Variants in ARHGEF1 observed in about 807,000 individuals in gnomAD.
The protein encoded by ARHGEF1 is 115 kDa guanine nucleotide exchange factor.
A neutral mutation model predicts 119.7 loss-of-function variants in ARHGEF1; 40 were observed. That is an observed-to-expected ratio of 0.33 (90% CI 0.26 to 0.44). The LOEUF (loss-of-function observed/expected upper bound fraction) is 0.44. Among genes scored for constraint, ARHGEF1 ranks in the 20% least tolerant of loss-of-function variants. The probability of loss-of-function intolerance (pLI) is 1.00; values close to 1 mark genes in which losing one functional copy is unlikely to be tolerated. For synonymous variants in ARHGEF1, 494 were observed against 521.0 expected (o/e 0.95, Z 0.71); for missense variants, 976 against 1,268.3 (o/e 0.77, Z 3.50).
chr19:41,925,130 A>G (rs1216935795), intron 1 of ARHGEF1, among the ~76,000 whole-genome samples: 1 of 152,146 alleles, frequency 6.6e-6, no homozygotes, highest in Non-Finnish European at 1.5e-5. Context: ...GATGTGAAGC[A>G]AAGAGAGATT....
In ARHGEF1 at chr19:41,894,637, C is replaced by T. The variant is rs1568815169; in HGVS notation, c.853C>T (p.Arg285Ter). 1.2e-6 allele frequency: 2 copies of T among 1,614,060 alleles called. No individual in the cohort carries two copies. Among genetic ancestry groups the T allele is most frequent in the East Asian group, 2.2e-5 (1 of 44,878 alleles). The change falls in exon 11 of 29, where the codon CGA (arginine) becomes TGA (stop). Residue 285 changes from arginine to a stop codon, truncating the protein, a stop_gained. Coordinates refer to ENST00000354532, the MANE Select transcript of ARHGEF1 (RefSeq NM_004706.4). LOFTEE classifies it high-confidence loss of function. ...NRGEPQVPDF[R>*]HLKAEVDAEK... ...CTCTCTCGTTTCAGTTCCAGATTTT[C>T]GACACCTCAAAGCAGAGGTTGATGG... is the stretch of plus-strand genomic sequence containing the variant.
At chr19:41,922,991 G>C (rs2074850932), upstream of ARHGEF1, 1 of 373,594 alleles carries the variant, frequency 2.7e-6, no homozygotes, top group Non-Finnish European at 5.3e-6. Flanking sequence ...CAGGTGAAGG[G>C]AATGTGAGGG....
In ARHGEF1 at chr19:41,917,865, C is replaced by T. The variant is rs1346732746; in HGVS notation, c.1866-5227C>T. On this transcript the variant is annotated intron_variant, in intron 18 of 20. Coordinates refer to the ARHGEF1 transcript ENST00000599589. This position sits in a 1 kb window ranked among gnomAD's most constrained non-coding sequence, Gnocchi z 4.8. ...CCCCACCCATCTGTTGCCACACAAA[C>T]GAGCCCCCAACACCCTGTCCCATCT... is the stretch of plus-strand genomic sequence containing the variant. 1.8e-4 allele frequency among the ~76,000 whole-genome samples: 27 copies of T among 152,126 alleles called. No individual in the cohort carries two copies. The highest frequency in any genetic ancestry group is 2.6e-4 in the Non-Finnish European group (18 of 67,984).
chr19:41,904,744 A>G lies in ARHGEF1; in HGVS notation c.2162-205A>G, dbSNP rs561376125. Among the ~76,000 whole-genome samples the G allele has an allele frequency of 8.5e-5, 13 of 152,248 alleles. No homozygotes were observed. The East Asian group carries it at 1.4e-3, about 16-fold the overall frequency. The stretch of plus-strand genomic sequence containing the variant: ...GGTTTCGTTAGGTAAGCCAGGGTAC[A>G]TGCCCGATTCCATAAGGAGGTGTGA... On this transcript the variant is annotated intron_variant, in intron 22 of 28. Coordinates refer to ENST00000354532, the MANE Select transcript of ARHGEF1 (RefSeq NM_004706.4). The surrounding 1 kb of genome is among the most constrained non-coding windows in gnomAD (Gnocchi z 8.4).
rs113612675 is a variant in ARHGEF1 at position 41,896,185 on chromosome 19, T to G, written c.1016-192T>G. On this transcript the variant is annotated intron_variant, in intron 12 of 28. Transcript: ENST00000354532. ...AGGGGCACCCACTTCTGTTGCATCT[T>G]CATGCTCCTGCCCCTAGTGGCCATG... is the stretch of plus-strand genomic sequence containing the variant. Among the ~76,000 whole-genome samples the G allele has an allele frequency of 7.2e-3, 1,096 of 152,244 alleles. 15 individuals carry two copies. The highest frequency in any genetic ancestry group is 0.026 in the African/African-American group (1,072 of 41,530).
chr19:41,894,791 G>T (rs1220948796), intron 11 of ARHGEF1, 130 bp downstream of exon 11: 5 of 1,105,276 alleles, frequency 4.5e-6, no homozygotes, highest in Non-Finnish European at 1.3e-6. Flanking sequence ...GGGGATGGGG[G>T]CCTGGACACC....
downstream of ARHGEF1, among the ~76,000 whole-genome samples, chr19:41,910,401 A>G (rs2074745084): frequency 6.6e-6 from 1 of 152,076 alleles, no homozygotes; most frequent in African/African-American, 2.4e-5. The surrounding 1 kb of genome is among the most constrained non-coding windows in gnomAD (Gnocchi z 4.4). Flanking sequence ...TCCTGCACCC[A>G]TGACAGTGAG....
intron 8 of ARHGEF1, 35 bp from the exon 9 acceptor site, chr19:41,894,172 G>GTT: frequency 9.0e-7 from 1 of 1,105,660 alleles, no homozygotes; most frequent in Non-Finnish European, 1.3e-6. Context: ...GTGTGTCTTT[G>GTT]TGTGTGTTGA....
chr19:41,906,058 C>A lies in ARHGEF1; in HGVS notation c.2491+33C>A. The A allele has an allele frequency of 6.3e-7, 1 of 1,581,898 alleles. No individual in the cohort carries two copies. The highest frequency in any genetic ancestry group is 8.7e-7 in the Non-Finnish European group (1 of 1,152,222). ...AGCTCTGCCCCTCCAGGGTGGCCAC[C>A]AGCCCAAACAGTGCCTCTGTTCCAA... On this transcript the variant is annotated intron_variant, in intron 26 of 28. Transcript: ENST00000354532. This position sits in a 1 kb window ranked among gnomAD's most constrained non-coding sequence, Gnocchi z 4.5.
At position 41,902,706 on chromosome 19, in the gene ARHGEF1, G is replaced by C; in HGVS notation, c.1623+48G>C. 6.2e-7 allele frequency: 1 copy of C among 1,613,310 alleles called. No individual in the cohort carries two copies. Among genetic ancestry groups the C allele is most frequent in the Non-Finnish European group, 8.5e-7 (1 of 1,179,550 alleles). On this transcript the variant is annotated intron_variant, in intron 17 of 28. Transcript: ENST00000354532. This position sits in a 1 kb window ranked among gnomAD's most constrained non-coding sequence, Gnocchi z 6.5. ...GCTTCCCAGGGAGGAGGGGCCTGGA[G>C]ACCCAGACTCCTAGGTGCCTGCGCC... is the stretch of plus-strand genomic sequence containing the variant.
chr19:41,895,879 G>A (rs549877523), intron 12 of ARHGEF1, among the ~76,000 whole-genome samples: 1 of 152,262 alleles, frequency 6.6e-6, no homozygotes, highest in Non-Finnish European at 1.5e-5. Context: ...TTACACTGCT[G>A]TGGCCTCAGG....
intron 1 of ARHGEF1, among the ~76,000 whole-genome samples, chr19:41,887,271 A>G (rs2074307796): frequency 6.6e-6 from 1 of 151,966 alleles, no homozygotes; most frequent in Admixed American, 6.6e-5. Flanking sequence ...ATCAGGAAAC[A>G]GGGTGAAAAG....
At chr19:41,908,547 G>A (rs574000479), downstream of ARHGEF1, 5 of 1,231,734 alleles carry the variant, frequency 4.1e-6, no homozygotes, top group African/African-American at 1.6e-5. The surrounding 1 kb of genome is among the most constrained non-coding windows in gnomAD (Gnocchi z 6.7). Context: ...GTAGAAATGC[G>A]GGGGGTAGAG....
chr19:41,913,857 G>A (rs1439494348), intron 18 of ARHGEF1, among the ~76,000 whole-genome samples: 4 of 142,060 alleles, frequency 2.8e-5, no homozygotes, highest in African/African-American at 1.1e-4. Context: ...GACACACGCT[G>A]CCCTCGCGCT....
intron 1 of ARHGEF1, among the ~76,000 whole-genome samples, chr19:41,927,444 A>T (rs2074878169): frequency 6.6e-6 from 1 of 151,934 alleles, no homozygotes; most frequent in Non-Finnish European, 1.5e-5. Context: ...TCCAACTCCA[A>T]ATCCAGACTT....
At chr19:41,900,786 G>GTTTTTTT (rs67734292) in intron 14 of ARHGEF1, 4 of 107,684 alleles carry the variant, frequency 3.7e-5, no homozygotes, top group Non-Finnish European at 7.1e-5. Context: ...ATCCTCACTG[G>GTTTTTTT]TTTTTTTTTT....
At position 41,903,292 on chromosome 19, in the gene ARHGEF1, C is replaced by G. The variant is rs782205888; in HGVS notation, c.1739-15C>G. 2 of 1,612,498 alleles carry G rather than the reference C, an allele frequency of 1.2e-6. No homozygotes were observed. The highest frequency in any genetic ancestry group is 2.7e-5 in the African/African-American group (2 of 74,902). ...GGCAGGGGTTCACCAGAGCTGCTCT[C>G]TCCCTTGCCTGCAGAAGAGCCCACA... On this transcript the variant is annotated splice_polypyrimidine_tract_variant and intron_variant, in intron 18 of 28. Coordinates refer to ENST00000354532, the MANE Select transcript of ARHGEF1 (RefSeq NM_004706.4). This position sits in a 1 kb window ranked among gnomAD's most constrained non-coding sequence, Gnocchi z 4.2.
At chr19:41,928,577 C>G in intron 1 of ARHGEF1, 1 of 169,224 alleles carries the variant, frequency 5.9e-6, no homozygotes, top group East Asian at 1.9e-4. Context: ...CCGGGCTCGG[C>G]TCGCAGATAT....
chr19:41,904,306 C>A lies in ARHGEF1; in HGVS notation c.2084C>A (p.Thr695Lys), dbSNP rs782573860. The change falls in exon 22 of 29, where the codon ACG becomes AAG. Residue 695 changes from threonine (T) to lysine (K), a missense_variant. Transcript: ENST00000354532. The surrounding 1 kb of genome is among the most constrained non-coding windows in gnomAD (Gnocchi z 8.4). ...CTCAAGTCCCATAGCCGGACACTGA[C>A]GCCCACGCCCGATGGCAAGACCATG... ...LLLKSHSRTL[T>K]PTPDGKTMLR... is the part of the protein sequence containing the mutation. 1 of 1,610,452 alleles carries A rather than the reference C, an allele frequency of 6.2e-7. No homozygotes were observed. Among genetic ancestry groups the A allele is most frequent in the South Asian group, 1.1e-5 (1 of 90,780 alleles).
Sources: allele counts gnomAD v4.1 joint callset (sites outside exome capture counted in the v4.1 genomes callset), GRCh38; gene constraint gnomAD v4.1.1; non-coding constraint Gnocchi (gnomAD v3.1); transcripts MANE v1.5; gene names NCBI Gene and HGNC (gene_info 2026-07-23, HGNC 2026-07-21).